Variants in TNFSF9 observed in about 807,000 individuals in gnomAD.
The protein encoded by TNFSF9 is tumor necrosis factor ligand superfamily member 9.
A neutral mutation model predicts 10.3 loss-of-function variants in TNFSF9; 10 were observed. The ratio of observed to expected loss-of-function variants is 0.97; its 90% confidence interval spans 0.60 to 1.65. TNFSF9 has a LOEUF of 1.65. TNFSF9 is among the 40% of genes most tolerant of loss of function. The pLI is 0.00. For missense variants in TNFSF9, 361 were observed against 348.9 expected, an observed-to-expected ratio of 1.03 and a Z score of -0.28; for synonymous variants, 195 against 176.1, an observed-to-expected ratio of 1.11 and a Z score of -0.85.
In TNFSF9 at chr19:6,534,433, C is replaced by T. The variant is rs1204138243; in HGVS notation, c.299-167C>T. ...CCCCCCAACGCCCCCCCCACCCAGG[C>T]TCCCCGCTCTGCTCCCCTGTCCCGC... On this transcript the variant is annotated intron_variant, in intron 2 of 2. Transcript: ENST00000245817. Among the ~76,000 whole-genome samples, 8 of 139,082 alleles carry T rather than the reference C, an allele frequency of 5.8e-5. No individual in the cohort carries two copies. The East Asian group carries it at 1.8e-3, about 31-fold the overall frequency. 91.2% of individuals were successfully genotyped at this position (139,082 alleles called of 152,430 possible).
chr19:6,534,858 C>T lies in TNFSF9; in HGVS notation c.557C>T (p.Pro186Leu). Residue 186 changes from proline (P) to leucine (L), a missense_variant, in exon 3 of 3, where the codon CCA becomes CTA. Transcript: ENST00000245817. ...GCCCTGGCTTTGACCGTGGACCTGC[C>T]ACCCGCCTCCTCCGAGGCTCGGAAC... ...AAALALTVDL[P>L]PASSEARNSA... is the part of the protein sequence containing the mutation. The T allele has an allele frequency of 1.2e-6, 2 of 1,606,924 alleles. No individual in the cohort carries two copies. The highest frequency in any genetic ancestry group is 2.2e-5 in the South Asian group (2 of 90,620).
chr19:6,531,045 C>T lies in TNFSF9; in HGVS notation c.9C>T (p.Tyr3=), dbSNP rs1023913305. Residue 3 remains tyrosine (Y), a synonymous_variant, in exon 1 of 3, where the codon TAC becomes TAT. Transcript: ENST00000245817. ME[Y]ASDASLDPEA... ...TCCCGCAGTCTCTCGTCATGGAATA[C>T]GCCTCTGACGCTTCACTGGACCCCG... 2.5e-5 allele frequency: 41 copies of T among 1,609,292 alleles called. No homozygotes were observed. The highest frequency in any genetic ancestry group is 3.4e-5 in the Non-Finnish European group (40 of 1,178,300).
Position 6,534,775 on chromosome 19 carries a change from A to AGGCTCC in TNFSF9, c.476_481dup (p.Gly159_Ser160dup). 2.5e-6 allele frequency: 4 copies of AGGCTCC among 1,599,828 alleles called. No individual in the cohort carries two copies. Among genetic ancestry groups the AGGCTCC allele is most frequent in the Non-Finnish European group, 3.4e-6 (4 of 1,174,036 alleles). ...GGCGCGTGGTGGCCGGCGAGGGCTC[A>AGGCTCC]GGCTCCGTTTCACTTGCGCTGCACC... is the stretch of plus-strand genomic sequence containing the variant. On this transcript the variant is annotated inframe_insertion, in exon 3 of 3. Coordinates refer to ENST00000245817, the MANE Select transcript of TNFSF9 (RefSeq NM_003811.4).
At position 6,532,911 on chromosome 19, in the gene TNFSF9, A is replaced by G; in HGVS notation, c.298+95A>G. On this transcript the variant is annotated intron_variant, in intron 2 of 2. Transcript: ENST00000245817. The stretch of plus-strand genomic sequence containing the variant: ...AACCTGGAGAGTGAGGCTCTGCCGC[A>G]CACTGGCTTTGACCCTTGACCGCTG... The G allele has an allele frequency of 2.5e-6, 4 of 1,569,498 alleles. No individual in the cohort carries two copies. In the South Asian group the frequency reaches 4.4e-5, roughly 17 times the overall value.
chr19:6,531,811 G>A (rs1270965140), intron 1 of TNFSF9, among the ~76,000 whole-genome samples: 1 of 151,998 alleles, frequency 6.6e-6, no homozygotes, highest in Non-Finnish European at 1.5e-5. Flanking sequence ...TACGTCTTCT[G>A]CACCCCGGGT....
Position 6,531,219 on chromosome 19 carries a change from G to A in TNFSF9, c.183G>A (p.Ser61=). The change falls in exon 1 of 3, where the codon TCG becomes TCA. Residue 61 remains serine, a synonymous_variant. Coordinates refer to ENST00000245817, the MANE Select transcript of TNFSF9 (RefSeq NM_003811.4). ...CPWAVSGARA[S]PGSAASPRLR... is the part of the protein sequence containing the mutation. ...GGGCCGTGTCCGGGGCTCGCGCCTC[G>A]CCCGGCTCCGCGGCCAGCCCGAGAC... 6.5e-7 allele frequency: 1 copy of A among 1,532,422 alleles called. No homozygotes were observed. Among genetic ancestry groups the A allele is most frequent in the Non-Finnish European group, 8.7e-7 (1 of 1,143,868 alleles). 94.9% of individuals were successfully genotyped at this position (1,532,422 alleles called of 1,614,324 possible). A position where few individuals can be genotyped will look rare whatever the true frequency, so the allele number is the denominator to read the frequency against.
In TNFSF9 at chr19:6,531,124, G is replaced by A; in HGVS notation, c.88G>A (p.Ala30Thr). 6.2e-7 allele frequency: 1 copy of A among 1,608,714 alleles called. No individual in the cohort carries two copies. The highest frequency in any genetic ancestry group is 8.5e-7 in the Non-Finnish European group (1 of 1,178,050). ...RARACRVLPW[A>T]LVAGLLLLLL... ...TCGCGCCTGCCGCGTACTGCCTTGG[G>A]CCCTGGTCGCGGGGCTGCTGCTGCT... Residue 30 changes from alanine to threonine, a missense_variant, in exon 1 of 3, where the codon GCC becomes ACC. Coordinates refer to ENST00000245817, the MANE Select transcript of TNFSF9 (RefSeq NM_003811.4).
intron 1 of TNFSF9, among the ~76,000 whole-genome samples, chr19:6,531,816 C>T (rs563452209): frequency 1.3e-5 from 2 of 152,256 alleles, no homozygotes; most frequent in South Asian, 2.1e-4. Context: ...CTTCTGCACC[C>T]CGGGTCGGAG....
chr19:6,532,917 G>C, intron 2 of TNFSF9, 101 bp downstream of exon 2: 2 of 1,538,702 alleles, frequency 1.3e-6, no homozygotes, highest in African/African-American at 2.7e-5. Context: ...CCGCACACTG[G>C]CTTTGACCCT....
chr19:6,531,079 T>C lies in TNFSF9; in HGVS notation c.43T>C (p.Trp15Arg). 1 of 1,611,088 alleles carries C rather than the reference T, an allele frequency of 6.2e-7. No individual in the cohort carries two copies. The highest frequency in any genetic ancestry group is 8.5e-7 in the Non-Finnish European group (1 of 1,179,072). ...SDASLDPEAP[W>R]PPAPRARACR... Reference sequence around the variant, plus strand: ...CGCTTCACTGGACCCCGAAGCCCCGTGGCCTCCCGCGCCCCGCGCTCGCGC... The same window carrying C: ...CGCTTCACTGGACCCCGAAGCCCCGCGGCCTCCCGCGCCCCGCGCTCGCGC... The change falls in exon 1 of 3, where the codon TGG becomes CGG. Residue 15 changes from tryptophan to arginine, a missense_variant. By Grantham distance (101) the Trp-to-Arg change is moderately radical. Coordinates refer to ENST00000245817, the MANE Select transcript of TNFSF9 (RefSeq NM_003811.4).
Position 6,531,258 on chromosome 19 carries a change from C to A in TNFSF9, c.222C>A (p.Pro74=). ...CCAGCCCGAGACTCCGCGAGGGTCCCGAGCTTTCGCCCGACGATCCCGCCG... is the reference window on the plus strand; with the variant it reads ...CCAGCCCGAGACTCCGCGAGGGTCCAGAGCTTTCGCCCGACGATCCCGCCG... The part of the protein sequence containing the change: ...SAASPRLREG[P]ELSPDDPAGL... The change falls in exon 1 of 3, where the codon CCC becomes CCA. Residue 74 remains proline (P), a synonymous_variant. Coordinates refer to ENST00000245817, the MANE Select transcript of TNFSF9 (RefSeq NM_003811.4). The A allele has an allele frequency of 6.6e-7, 1 of 1,516,656 alleles. No homozygotes were observed. Among genetic ancestry groups the A allele is most frequent in the Non-Finnish European group, 8.8e-7 (1 of 1,141,034 alleles). 93.9% of individuals were successfully genotyped at this position (1,516,656 alleles called of 1,614,324 possible).
chr19:6,534,861 C>T lies in TNFSF9; in HGVS notation c.560C>T (p.Pro187Leu), dbSNP rs767151009. 2.5e-6 allele frequency: 4 copies of T among 1,606,816 alleles called. No homozygotes were observed. Among genetic ancestry groups the T allele is most frequent in the Non-Finnish European group, 2.5e-6 (3 of 1,178,758 alleles). The change falls in exon 3 of 3, where the codon CCC becomes CTC. Residue 187 changes from proline (P) to leucine (L), a missense_variant. Pro to Leu is a moderately conservative substitution (Grantham distance 98). Transcript: ENST00000245817. Reference sequence around the variant, plus strand: ...CTGGCTTTGACCGTGGACCTGCCACCCGCCTCCTCCGAGGCTCGGAACTCG... The same window carrying T: ...CTGGCTTTGACCGTGGACCTGCCACTCGCCTCCTCCGAGGCTCGGAACTCG... ...AALALTVDLP[P>L]ASSEARNSAF... is the part of the protein sequence containing the mutation.
Position 6,532,771 on chromosome 19 carries a change from T to G in TNFSF9, c.268-15T>G. 6.2e-7 allele frequency: 1 copy of G among 1,613,692 alleles called. No individual in the cohort carries two copies. The highest frequency in any genetic ancestry group is 8.5e-7 in the Non-Finnish European group (1 of 1,179,740). On this transcript the variant is annotated splice_polypyrimidine_tract_variant and intron_variant, in intron 1 of 2. Coordinates refer to ENST00000245817, the MANE Select transcript of TNFSF9 (RefSeq NM_003811.4). ...GGGAACCCCCATCCACTTTCCTCCT[T>G]TCTACTTTTAACAGGGCATGTTTGC... is the stretch of plus-strand genomic sequence containing the variant.
intron 1 of TNFSF9, among the ~76,000 whole-genome samples, chr19:6,531,527 G>T (rs908774411): frequency 6.6e-6 from 1 of 152,006 alleles, no homozygotes; most frequent in African/African-American, 2.4e-5. Flanking sequence ...CAGGCCGGGG[G>T]CGGGGAGGAG....
In TNFSF9 at chr19:6,534,664, G is replaced by A. The variant is rs1014669234; in HGVS notation, c.363G>A (p.Thr121=). The A allele has an allele frequency of 2.5e-6, 4 of 1,590,496 alleles. No homozygotes were observed. The highest frequency in any genetic ancestry group is 4.6e-5 in the East Asian group (2 of 43,550). ...SDPGLAGVSL[T]GGLSYKEDTK... is the part of the protein sequence containing the mutation. Reference sequence around the variant, plus strand: ...CAGGCCTGGCAGGCGTGTCCCTGACGGGGGGCCTGAGCTACAAAGAGGACA... The same window carrying A: ...CAGGCCTGGCAGGCGTGTCCCTGACAGGGGGCCTGAGCTACAAAGAGGACA... Residue 121 remains threonine (T), a synonymous_variant, in exon 3 of 3, where the codon ACG becomes ACA. Coordinates refer to ENST00000245817, the MANE Select transcript of TNFSF9 (RefSeq NM_003811.4).
At chr19:6,534,101 C>T (rs918642491) in intron 2 of TNFSF9, among the ~76,000 whole-genome samples, 3 of 135,138 alleles carry the variant, frequency 2.2e-5, no homozygotes, top group Non-Finnish European at 3.2e-5. Context: ...CCATCCTGTC[C>T]GAGATCTGCT....
chr19:6,531,438 G>GGT, intron 1 of TNFSF9, 135 bp downstream of exon 1: 4 of 1,251,862 alleles, frequency 3.2e-6, no homozygotes, highest in South Asian at 3.7e-5. Context: ...ACCCACCGGG[G>GGT]CTCCCATTCT....
Position 6,535,890 on chromosome 19 carries a change from A to G in TNFSF9, c.*824A>G, listed in dbSNP as rs1915253899. The G allele has an allele frequency of 6.6e-6, 1 of 152,180 alleles. No individual in the cohort carries two copies. Among genetic ancestry groups the G allele is most frequent in the African/African-American group, 2.4e-5 (1 of 41,434 alleles). 9.4% of individuals were successfully genotyped at this position (152,180 alleles called of 1,614,324 possible). ...ATGTTGCCAAGGTTGTTTACATGCC[A>G]GTACAATTTATAATAAACACTCATT... On this transcript the variant is annotated 3_prime_UTR_variant, in exon 3 of 3. Coordinates refer to ENST00000245817, the MANE Select transcript of TNFSF9 (RefSeq NM_003811.4).
chr19:6,531,108 C>T lies in TNFSF9; in HGVS notation c.72C>T (p.Cys24=). 1 of 1,610,598 alleles carries T rather than the reference C, an allele frequency of 6.2e-7. No individual in the cohort carries two copies. The highest frequency in any genetic ancestry group is 8.5e-7 in the Non-Finnish European group (1 of 1,178,934). Reference sequence around the variant, plus strand: ...CTCCCGCGCCCCGCGCTCGCGCCTGCCGCGTACTGCCTTGGGCCCTGGTCG... The same window carrying T: ...CTCCCGCGCCCCGCGCTCGCGCCTGTCGCGTACTGCCTTGGGCCCTGGTCG... The part of the protein sequence containing the change: ...PWPPAPRARA[C]RVLPWALVAG... Residue 24 remains cysteine, a synonymous_variant, in exon 1 of 3, where the codon TGC becomes TGT. Transcript: ENST00000245817.
Sources: allele counts gnomAD v4.1 joint callset (sites outside exome capture counted in the v4.1 genomes callset), GRCh38; gene constraint gnomAD v4.1.1; transcripts MANE v1.5; gene names NCBI Gene and HGNC (gene_info 2026-07-23, HGNC 2026-07-21).